The following TADA2A variants were observed in gnomAD, a reference collection of about 807,000 sequenced individuals.
The protein encoded by TADA2A is transcriptional adaptor 2A, also known as transcriptional adapter 2-alpha.
TADA2A carries 38 observed loss-of-function variants against 67.4 expected under a neutral mutation model. The ratio of observed to expected loss-of-function variants is 0.56; its 90% CI spans 0.44 to 0.74. The LOEUF (loss-of-function observed/expected upper bound fraction) is 0.74, where lower values mean the gene tolerates loss of function less well. Among genes scored for constraint, TADA2A ranks in the 30% least tolerant of loss-of-function variants. The probability of loss-of-function intolerance (pLI) is 0.00; values close to 1 mark genes in which losing one functional copy is unlikely to be tolerated. For missense variants in TADA2A, 454 were observed against 547.0 expected (o/e 0.83, Z 1.70); for synonymous variants, 192 against 181.6 (o/e 1.06, Z -0.46).
intron 2 of TADA2A, among the ~76,000 whole-genome samples, chr17:37,419,778 CAAA>C (rs34588213): frequency 2.4e-5 from 3 of 123,580 alleles, no homozygotes; most frequent in Admixed American, 8.3e-5. Flanking sequence ...GACACTGTCT[CAAA>C]AAAAAAAAAA....
intron 5 of TADA2A, among the ~76,000 whole-genome samples, chr17:37,438,763 T>C (rs1239286834): frequency 1.3e-5 from 2 of 152,212 alleles, no homozygotes. Flanking sequence ...TTGCTAGTCA[T>C]CTTTGGCCTA....
At chr17:37,456,658 T>C (rs1029151508) in intron 8 of TADA2A, among the ~76,000 whole-genome samples, 1 of 152,194 alleles carries the variant, frequency 6.6e-6, no homozygotes, top group Non-Finnish European at 1.5e-5. Context: ...GGGTAGAATA[T>C]AAGTTTGCAA....
At chr17:37,431,131 AT>A (rs564298586) in intron 4 of TADA2A, among the ~76,000 whole-genome samples, 141 of 149,660 alleles carry the variant, frequency 9.4e-4, no homozygotes, top group Non-Finnish European at 1.3e-3. Flanking sequence ...TCTTCAGATT[AT>A]TTTTTTTTTA....
intron 8 of TADA2A, among the ~76,000 whole-genome samples, chr17:37,452,332 G>A: frequency 6.6e-6 from 1 of 152,094 alleles, no homozygotes; most frequent in East Asian, 1.9e-4. Flanking sequence ...GAACCTGGGA[G>A]GTGGAGGTTG....
chr17:37,456,723 A>G (rs2053402844), intron 8 of TADA2A, among the ~76,000 whole-genome samples: 1 of 152,204 alleles, frequency 6.6e-6, no homozygotes, highest in Non-Finnish European at 1.5e-5. Context: ...TAAAATAGAT[A>G]TCGAGTTTGA....
At position 37,423,496 on chromosome 17, in the gene TADA2A, CTGTT is replaced by C; in HGVS notation, c.26-8_26-5del. 1 of 1,589,308 alleles carries C rather than the reference CTGTT, an allele frequency of 6.3e-7. No individual in the cohort carries two copies. The highest frequency in any genetic ancestry group is 8.6e-7 in the Non-Finnish European group (1 of 1,168,146). On this transcript the variant is annotated splice_polypyrimidine_tract_variant and intron_variant, in intron 2 of 15. Coordinates refer to ENST00000615182, the MANE Select transcript of TADA2A (RefSeq NM_001166105.3). ...GTGGTCTGAAATGTGCATTTGTTTT[CTGTT>C]TGTTCTAGATGATCCCTCTGATAAG...
rs2053761014 is a variant in TADA2A at position 37,470,415 on chromosome 17, A to ATCACCTCAAGAAGACAC, written c.912_928dup (p.Arg310LeufsTer44). 3 of 1,613,712 alleles carry ATCACCTCAAGAAGACAC rather than the reference A, an allele frequency of 1.9e-6. No homozygotes were observed. The highest frequency in any genetic ancestry group is 2.5e-6 in the Non-Finnish European group (3 of 1,179,912). ...ATACCCCCAGGTGCCAGAACCTACG[A>ATCACCTCAAGAAGACAC]TCACCTCAAGAAGACACGGGAGGAA... On this transcript the variant is annotated frameshift_variant, in exon 13 of 16. Transcript: ENST00000615182. LOFTEE classifies it high-confidence loss of function.
intron 2 of TADA2A, among the ~76,000 whole-genome samples, chr17:37,422,045 ATTTTT>A: frequency 7.1e-6 from 1 of 141,694 alleles, no homozygotes; most frequent in Non-Finnish European, 1.6e-5. Context: ...TGCTTGGCTA[ATTTTT>A]TTGTTTTTTT....
In TADA2A at chr17:37,427,145, C is replaced by A. The variant is rs543522608; in HGVS notation, c.192+136C>A. The A allele has an allele frequency of 9.8e-6, 6 of 613,422 alleles. No homozygotes were observed. The East Asian group carries it at 2.0e-4, about 20-fold the overall frequency. The allele number at this position is 613,422 out of a possible 1,614,324, so 38.0% of individuals were successfully genotyped here. A position where few individuals can be genotyped will look rare whatever the true frequency, so the allele number is the denominator to read the frequency against. On this transcript the variant is annotated intron_variant, in intron 4 of 15. Transcript: ENST00000615182. ...TTTTCTTAATCTCTGAGTATCTTTA[C>A]CTTTTCTCCCCTTCGGAAATAGGTA...
Position 37,468,081 on chromosome 17 carries a change from CAA to C in TADA2A, c.895+569_895+570del, listed in dbSNP as rs5820219. 7.6e-3 allele frequency among the ~76,000 whole-genome samples: 997 copies of C among 131,494 alleles called. 8 individuals are homozygous for C. The highest frequency in any genetic ancestry group is 0.015 in the East Asian group (69 of 4,674). 86.3% of individuals were successfully genotyped at this position (131,494 alleles called of 152,430 possible). ...TGGGTGGCAGAGGGAGATTCTGTTT[CAA>C]AAAAAAAAAAAAGGAATTTTATATT... On this transcript the variant is annotated intron_variant, in intron 12 of 15. Transcript: ENST00000615182.
At chr17:37,471,045 T>C (rs1307450328) in intron 13 of TADA2A, 49 bp from the exon 14 acceptor site, 10 of 1,608,956 alleles carry the variant, frequency 6.2e-6, no homozygotes, top group Non-Finnish European at 8.5e-6. Flanking sequence ...CTTTTGGAAA[T>C]CACCTTGTTT....
At chr17:37,444,085 AC>A (rs1235902127) in intron 7 of TADA2A, among the ~76,000 whole-genome samples, 4 of 151,516 alleles carry the variant, frequency 2.6e-5, no homozygotes, top group Admixed American at 6.6e-5. Context: ...AACAACAACA[AC>A]AAAAAAAACC....
At chr17:37,420,871 T>G (rs115991170) in intron 2 of TADA2A, among the ~76,000 whole-genome samples, 2,867 of 147,042 alleles carry the variant, frequency 0.019, 266 homozygotes, top group African/African-American at 0.067. Flanking sequence ...TTTTCTTCTC[T>G]TAGATTCTTG....
At chr17:37,422,481 G>GATGATGATTATT (rs1296355161) in intron 2 of TADA2A, among the ~76,000 whole-genome samples, 1 of 136,988 alleles carries the variant, frequency 7.3e-6, no homozygotes, top group Middle Eastern at 3.4e-3. Context: ...ATGCCCAGCT[G>GATGATGATTATT]ATTATTATTA....
intron 1 of TADA2A, among the ~76,000 whole-genome samples, chr17:37,410,772 C>T (rs1327267044): frequency 6.6e-6 from 1 of 152,120 alleles, no homozygotes; most frequent in Non-Finnish European, 1.5e-5. Flanking sequence ...GAAGAAGAGA[C>T]CTGGTTGCTT....
intron 15 of TADA2A, among the ~76,000 whole-genome samples, chr17:37,476,228 T>C (rs2053890195): frequency 6.6e-6 from 1 of 152,202 alleles, no homozygotes; most frequent in Non-Finnish European, 1.5e-5. Context: ...AGACTCCTCA[T>C]TGCTGGATAA....
intron 2 of TADA2A, among the ~76,000 whole-genome samples, chr17:37,414,264 A>G (rs1184352873): frequency 1.3e-5 from 2 of 152,150 alleles, no homozygotes; most frequent in African/African-American, 4.8e-5. Flanking sequence ...ATTTATTAGC[A>G]TACATAACTA....
At chr17:37,460,602 T>C (rs2053525382) in intron 9 of TADA2A, among the ~76,000 whole-genome samples, 1 of 152,202 alleles carries the variant, frequency 6.6e-6, no homozygotes, top group Non-Finnish European at 1.5e-5. Flanking sequence ...GAGAAGTCTT[T>C]CATCTAAAAG....
intron 2 of TADA2A, among the ~76,000 whole-genome samples, chr17:37,416,199 AC>A (rs1313927172): frequency 6.7e-6 from 1 of 149,826 alleles, no homozygotes; most frequent in Non-Finnish European, 1.5e-5. Flanking sequence ...GCTCACCGTA[AC>A]CTCTGTCTCC....
Sources: allele counts gnomAD v4.1 joint callset (sites outside exome capture counted in the v4.1 genomes callset), GRCh38; gene constraint gnomAD v4.1.1; transcripts MANE v1.5; gene names NCBI Gene and HGNC (gene_info 2026-07-23, HGNC 2026-07-21).